MAP3K2: variants seen among roughly 807,000 people sequenced by gnomAD.
The protein encoded by MAP3K2 is MAP/ERK kinase kinase 2.
MAP3K2 carries 24 observed loss-of-function variants against 80.3 expected under a neutral mutation model. The ratio of observed to expected loss-of-function variants is 0.30; its 90% CI spans 0.22 to 0.42. The LOEUF is 0.42. MAP3K2 is among the 10% of genes least tolerant of loss of function. The pLI, the probability that MAP3K2 is intolerant of heterozygous loss-of-function variation, is 1.00. For synonymous variants in MAP3K2, 244 were observed against 253.7 expected (o/e 0.96, Z 0.36); for missense variants, 608 against 750.1 (o/e 0.81, Z 2.21).
At chr2:127,323,427 G>A (rs1184053491) in intron 11 of MAP3K2, among the ~76,000 whole-genome samples, 1 of 151,848 alleles carries the variant, frequency 6.6e-6, no homozygotes, top group Non-Finnish European at 1.5e-5. Context: ...GCTCACACCT[G>A]TAATCCCAGC....
intron 1 of MAP3K2, among the ~76,000 whole-genome samples, chr2:127,355,385 T>C (rs989937739): frequency 6.6e-6 from 1 of 151,920 alleles, no homozygotes; most frequent in Non-Finnish European, 1.5e-5. Flanking sequence ...ATATTGCGGG[T>C]TCAGTTACAG....
At position 127,364,992 on chromosome 2, in the gene MAP3K2, G is replaced by T. The variant is rs1453805644; in HGVS notation, c.-65-21798C>A. On this transcript the variant is annotated intron_variant, in intron 1 of 16. Coordinates refer to ENST00000682094, the MANE Select transcript of MAP3K2 (RefSeq NM_001371910.2). This position sits in a 1 kb window ranked among gnomAD's most constrained non-coding sequence, Gnocchi z 4.1. ...AAACTACAAAAATTAGCCGGGTGTGGTGGCACATGCCTGTAATCCCTGCTA... is the reference window on the plus strand; with the variant it reads ...AAACTACAAAAATTAGCCGGGTGTGTTGGCACATGCCTGTAATCCCTGCTA... Among the ~76,000 whole-genome samples the T allele has an allele frequency of 6.6e-6, 1 of 151,766 alleles. No homozygotes were observed. Among genetic ancestry groups the T allele is most frequent in the Non-Finnish European group, 1.5e-5 (1 of 67,958 alleles).
rs58705764 is a variant in MAP3K2 at position 127,306,847 on chromosome 2, CGTGTGTGTGTGT to C, written c.*720_*731del. The C allele has an allele frequency of 6.6e-6, 1 of 150,400 alleles. No homozygotes were observed. The highest frequency in any genetic ancestry group is 1.5e-5 in the Non-Finnish European group (1 of 67,436). 9.3% of individuals were successfully genotyped at this position (150,400 alleles called of 1,614,324 possible). ...ACTTGACTTTAAAATAAAGGTTTTC[CGTGTGTGTGTGT>C]GTGTGTGTGTGTGTGTTTTTAAGCA... On this transcript the variant is annotated 3_prime_UTR_variant, in exon 17 of 17. Coordinates refer to ENST00000682094, the MANE Select transcript of MAP3K2 (RefSeq NM_001371910.2). This position sits in a 1 kb window ranked among gnomAD's most constrained non-coding sequence, Gnocchi z 4.7.
intron 1 of MAP3K2, among the ~76,000 whole-genome samples, chr2:127,385,017 A>T (rs1687319448): frequency 6.6e-6 from 1 of 152,242 alleles, no homozygotes; most frequent in South Asian, 2.1e-4. Context: ...AAGGACTTAG[A>T]TTACAAAAAC....
Position 127,387,803 on chromosome 2 carries a change from G to T in MAP3K2, c.-417C>A. 10 of 985,198 alleles carry T rather than the reference G, an allele frequency of 1.0e-5. No individual in the cohort carries two copies. The highest frequency in any genetic ancestry group is 1.2e-5 in the Non-Finnish European group (10 of 829,800). The allele number at this position is 985,198 out of a possible 1,614,324, so 61.0% of individuals were successfully genotyped here. A position where few individuals can be genotyped will look rare whatever the true frequency, so the allele number is the denominator to read the frequency against. On this transcript the variant is annotated 5_prime_UTR_variant, in exon 1 of 17. Transcript: ENST00000682094. ...GCCCGCGTCGCTAGAGACCGGAGAA[G>T]AGGCGGGAGTGGCGACTCTGCGGAC...
At chr2:127,312,004 T>C (rs1239698150) in intron 15 of MAP3K2, among the ~76,000 whole-genome samples, 2 of 152,222 alleles carry the variant, frequency 1.3e-5, no homozygotes, top group South Asian at 2.1e-4. Flanking sequence ...ATCTGTCCTA[T>C]ATGTATATTA....
chr2:127,385,828 ATAAAG>A (rs1402850783), intron 1 of MAP3K2, among the ~76,000 whole-genome samples: 1 of 152,234 alleles, frequency 6.6e-6, no homozygotes, highest in Non-Finnish European at 1.5e-5. Flanking sequence ...TTTGGTACCA[ATAAAG>A]TAAACTAGAA....
chr2:127,299,090 C>T lies in MAP3K2; in HGVS notation c.*8489G>A, dbSNP rs988372375. Reference sequence around the variant, plus strand: ...TGCATGAAATGTTGCACGTACCACACTGTATCTGGCTTCTGGTAGGTTTTC... The same window carrying T: ...TGCATGAAATGTTGCACGTACCACATTGTATCTGGCTTCTGGTAGGTTTTC... On this transcript the variant is annotated 3_prime_UTR_variant, in exon 17 of 17. Transcript: ENST00000682094. The T allele has an allele frequency of 3.3e-5, 5 of 152,190 alleles. No individual in the cohort carries two copies. The highest frequency in any genetic ancestry group is 9.6e-5 in the African/African-American group (4 of 41,452). The allele number at this position is 152,190 out of a possible 1,614,324, so 9.4% of individuals were successfully genotyped here.
chr2:127,320,875 T>A (rs774858860), intron 12 of MAP3K2, among the ~76,000 whole-genome samples: 9 of 152,114 alleles, frequency 5.9e-5, no homozygotes, highest in Non-Finnish European at 1.0e-4. Flanking sequence ...TCCCAGCACT[T>A]TGGGAGGTTG....
At chr2:127,331,844 T>C (rs1686261994) in intron 5 of MAP3K2, among the ~76,000 whole-genome samples, 2 of 152,156 alleles carry the variant, frequency 1.3e-5, no homozygotes, top group Non-Finnish European at 2.9e-5. Flanking sequence ...GACCTCAAAT[T>C]ATCTGCCCGC....
At chr2:127,316,368 T>A (rs138777149) in intron 14 of MAP3K2, among the ~76,000 whole-genome samples, 1 of 152,196 alleles carries the variant, frequency 6.6e-6, no homozygotes, top group East Asian at 1.9e-4. Context: ...CGAAACTCCA[T>A]CTCAAAATTA....
At position 127,302,080 on chromosome 2, in the gene MAP3K2, A is replaced by G. The variant is rs1356486600; in HGVS notation, c.*5499T>C. ...CTTGTGAATACTTGGTAAGCTAAGG[A>G]AGCTTATTTTGATAATGTTTGGCAG... On this transcript the variant is annotated 3_prime_UTR_variant, in exon 17 of 17. Transcript: ENST00000682094. 1.3e-5 allele frequency: 2 copies of G among 152,204 alleles called. No individual in the cohort carries two copies. Among genetic ancestry groups the G allele is most frequent in the African/African-American group, 2.4e-5 (1 of 41,460 alleles). 9.4% of individuals were successfully genotyped at this position (152,204 alleles called of 1,614,324 possible).
Position 127,308,609 on chromosome 2 carries a change from C to A in MAP3K2, c.1610G>T (p.Gly537Val). The A allele has an allele frequency of 1.3e-6, 2 of 1,572,982 alleles. No homozygotes were observed. The highest frequency in any genetic ancestry group is 8.7e-7 in the Non-Finnish European group (1 of 1,152,882). ...WMSPEVISGE[G>V]YGRKADIWSV... ...CCAGATGTCTGCTTTTCTTCCATAGCCTTCTCCACTGATGACTTCAGGGCT... is the reference window on the plus strand; with the variant it reads ...CCAGATGTCTGCTTTTCTTCCATAGACTTCTCCACTGATGACTTCAGGGCT... Residue 537 changes from glycine to valine, a missense_variant, in exon 16 of 17, where the codon GGC becomes GTC. Physicochemically the swap from Gly to Val is moderately radical, Grantham distance 109 (BLOSUM62 -3). This residue lies in a region of MAP3K2 where 88 missense variants were observed against 132.4 expected (regional missense o/e 0.66). Transcript: ENST00000682094.
rs778266479 is a variant in MAP3K2, at chr2:127,364,097, TTCAG to T, written c.-65-20907_-65-20904del. ...ATAACATAATATAGCACACATATGT[TTCAG>T]TCAATCTAACCTATCTGCTTTTCTC... On this transcript the variant is annotated intron_variant, in intron 1 of 16. Coordinates refer to ENST00000682094, the MANE Select transcript of MAP3K2 (RefSeq NM_001371910.2). This position sits in a 1 kb window ranked among gnomAD's most constrained non-coding sequence, Gnocchi z 4.1. Among the ~76,000 whole-genome samples, 47 of 152,310 alleles carry T rather than the reference TTCAG, an allele frequency of 3.1e-4. No homozygotes were observed. The highest frequency in any genetic ancestry group is 1.3e-3 in the Admixed American group (20 of 15,300).
chr2:127,327,998 G>A (rs1306482314), intron 7 of MAP3K2, among the ~76,000 whole-genome samples: 2 of 152,206 alleles, frequency 1.3e-5, no homozygotes, highest in East Asian at 1.9e-4. Context: ...ATTAGAGCTG[G>A]GCACTGTGGC....
chr2:127,309,759 G>C (rs879775366), intron 15 of MAP3K2, among the ~76,000 whole-genome samples: 1 of 152,086 alleles, frequency 6.6e-6, no homozygotes, highest in Non-Finnish European at 1.5e-5. Context: ...AACGGGGGTT[G>C]TAAGTTTTTT....
intron 1 of MAP3K2, among the ~76,000 whole-genome samples, chr2:127,355,199 T>C (rs1686775992): frequency 6.6e-6 from 1 of 152,212 alleles, no homozygotes; most frequent in South Asian, 2.1e-4. Flanking sequence ...CAAAACTCTT[T>C]ATGAACCCAA....
intron 1 of MAP3K2, among the ~76,000 whole-genome samples, chr2:127,377,829 GACA>G: frequency 6.6e-6 from 1 of 152,192 alleles, no homozygotes. Flanking sequence ...GCAAGACAAA[GACA>G]ACGTGAAAAA....
chr2:127,367,922 T>C (rs1032926064), intron 1 of MAP3K2, among the ~76,000 whole-genome samples: 8 of 152,214 alleles, frequency 5.3e-5, no homozygotes, highest in Non-Finnish European at 1.2e-4. Context: ...AAATAAAATA[T>C]GACTTAGGAG....
Sources: allele counts gnomAD v4.1 joint callset (sites outside exome capture counted in the v4.1 genomes callset), GRCh38; gene constraint gnomAD v4.1.1; regional missense constraint gnomAD v4.1.1; non-coding constraint Gnocchi (gnomAD v3.1); transcripts MANE v1.5; gene names NCBI Gene and HGNC (gene_info 2026-07-23, HGNC 2026-07-21).